Variants in CHD1L observed in about 807,000 individuals in gnomAD.
The protein encoded by CHD1L is chromodomain helicase DNA binding protein 1 like.
CHD1L carries 118 observed loss-of-function variants against 115.9 expected under a neutral mutation model. That is an observed-to-expected ratio of 1.02 (90% CI 0.88 to 1.19). The LOEUF is 1.19. Among genes scored for constraint, CHD1L ranks in the 50% most tolerant of loss-of-function variants. CHD1L has a pLI of 0.00. For synonymous variants in CHD1L, 411 were observed against 387.1 expected (o/e 1.06, Z -0.72); for missense variants, 1,179 against 1,065.3 (o/e 1.11, Z -1.49).
the CHD1L span, chr1:147,174,455 G>C: frequency 6.6e-6 from 1 of 152,212 alleles, no homozygotes; most frequent in South Asian, 2.1e-4. Context: ...AACAAAGTAC[G>C]TTAACCAATG....
rs201946463 is a variant in CHD1L, at chr1:147,276,298, A to G, written c.1539+41A>G. The G allele has an allele frequency of 7.8e-5, 125 of 1,602,058 alleles. No individual in the cohort carries two copies. The African/African-American group carries it at 1.3e-3, about 17-fold the overall frequency. On this transcript the variant is annotated intron_variant, in intron 14 of 22. Coordinates refer to ENST00000369258, the MANE Select transcript of CHD1L (RefSeq NM_004284.6). ...CTGTTCTTCACTTTGGAATATACCA[A>G]TACCCTTTGTGGAGGAGAATGTAAA...
In CHD1L at chr1:147,259,887, A is replaced by G; in HGVS notation, c.545A>G (p.Gln182Arg). 6.2e-7 allele frequency: 1 copy of G among 1,613,932 alleles called. No individual in the cohort carries two copies. The highest frequency in any genetic ancestry group is 1.1e-5 in the South Asian group (1 of 91,050). ...GATGAAGCTCACAGGTTGAAAAACC[A>G]AAGCTCCCTGCTGCATAAGACCTTG... is the stretch of plus-strand genomic sequence containing the variant. ...VVDEAHRLKN[Q>R]SSLLHKTLSE... The change falls in exon 6 of 23, where the codon CAA (glutamine) becomes CGA (arginine). Residue 182 changes from glutamine (Q) to arginine (R), a missense_variant. Coordinates refer to ENST00000369258, the MANE Select transcript of CHD1L (RefSeq NM_004284.6).
At chr1:147,276,713 A>G (rs1553958181) in intron 14 of CHD1L, among the ~76,000 whole-genome samples, 2 of 152,202 alleles carry the variant, frequency 1.3e-5, no homozygotes, top group African/African-American at 4.8e-5. Flanking sequence ...TGAAAGAACT[A>G]GAGGTAATTT....
At chr1:147,244,062 G>C (rs2102225399) in intron 1 of CHD1L, among the ~76,000 whole-genome samples, 1 of 152,304 alleles carries the variant, frequency 6.6e-6, no homozygotes, top group South Asian at 2.1e-4. Flanking sequence ...CTTGTAGACT[G>C]GTCTTTTTAT....
At chr1:147,198,830 G>A in the CHD1L span, among the ~76,000 whole-genome samples, 1 of 117,742 alleles carries the variant, frequency 8.5e-6, no homozygotes, top group African/African-American at 3.3e-5. Flanking sequence ...CAGCCTGGGC[G>A]ACAGAGCGAG....
the CHD1L span, among the ~76,000 whole-genome samples, chr1:147,196,354 ATACTCAAAATAAG>A: frequency 6.6e-5 from 10 of 152,106 alleles, no homozygotes; most frequent in Admixed American, 5.2e-4. Flanking sequence ...GTCTCTTCGG[ATACTCAAAATAAG>A]CGTTTTGAGA....
At position 147,270,483 on chromosome 1, in the gene CHD1L, G is replaced by C. The variant is rs12060717; in HGVS notation, c.1086-449G>C. On this transcript the variant is annotated intron_variant, in intron 10 of 22. Coordinates refer to ENST00000369258, the MANE Select transcript of CHD1L (RefSeq NM_004284.6). The stretch of plus-strand genomic sequence containing the variant: ...AAACAGGGCATAGTTGTAGATGACT[G>C]ACCACAGGCTTTCTTCAGAGTCTCC... Among the ~76,000 whole-genome samples the C allele has an allele frequency of 6.3e-4, 95 of 151,422 alleles. 1 individual carries two copies. The highest frequency in any genetic ancestry group is 2.2e-3 in the African/African-American group (92 of 41,226).
At chr1:147,213,523 C>A in the CHD1L span, 1 of 1,488,098 alleles carries the variant, frequency 6.7e-7, no homozygotes, top group Non-Finnish European at 9.1e-7. Context: ...ACTCTCCTTG[C>A]ATAGTGTTAC....
intron 15 of CHD1L, among the ~76,000 whole-genome samples, chr1:147,283,214 A>G (rs1681618678): frequency 3.3e-5 from 5 of 152,134 alleles, no homozygotes; most frequent in Admixed American, 3.3e-4. Context: ...TGCCTCATTG[A>G]AAGCCCCCTG....
At chr1:147,217,965 T>A in the CHD1L span, among the ~76,000 whole-genome samples, 1 of 152,338 alleles carries the variant, frequency 6.6e-6, no homozygotes, top group African/African-American at 2.4e-5. Context: ...AATGGATGCA[T>A]ATCAAATTGT....
intron 1 of CHD1L, 44 bp downstream of exon 1, chr1:147,242,874 T>C (rs1313225275): frequency 4.0e-6 from 5 of 1,255,984 alleles, no homozygotes; most frequent in African/African-American, 3.1e-5. Flanking sequence ...GGCCAACCTA[T>C]TGGGACTGCC....
Position 147,272,295 on chromosome 1 carries a change from G to T in CHD1L, c.1270+14G>T, listed in dbSNP as rs781833725. 1.3e-6 allele frequency: 2 copies of T among 1,555,580 alleles called. No homozygotes were observed. The highest frequency in any genetic ancestry group is 1.8e-6 in the Non-Finnish European group (2 of 1,126,698). On this transcript the variant is annotated intron_variant, in intron 12 of 22. Transcript: ENST00000369258. ...GTACTAGGGCAGGTAGGCTGCAAAGGCATTGATGGAAACAGACAAATGAGG... is the reference window on the plus strand; with the variant it reads ...GTACTAGGGCAGGTAGGCTGCAAAGTCATTGATGGAAACAGACAAATGAGG...
At chr1:147,228,699 A>AT in the CHD1L span, among the ~76,000 whole-genome samples, 1 of 152,104 alleles carries the variant, frequency 6.6e-6, no homozygotes, top group Non-Finnish European at 1.5e-5. Context: ...AATGATCCCC[A>AT]TTCTAACTGG....
intron 5 of CHD1L, among the ~76,000 whole-genome samples, 185 bp downstream of exon 5, chr1:147,256,747 T>C (rs182149067): frequency 7.3e-4 from 111 of 152,336 alleles, no homozygotes; most frequent in African/African-American, 2.6e-3. Context: ...CTGTGTGTCC[T>C]TGGGTTAGTT....
intron 1 of CHD1L, among the ~76,000 whole-genome samples, chr1:147,247,859 C>T (rs1046490876): frequency 5.5e-4 from 84 of 152,204 alleles, no homozygotes; most frequent in Admixed American, 5.4e-3. Flanking sequence ...CATTGCATCT[C>T]TTTGATCCTT....
At chr1:147,277,350 T>C (rs1678902990) in intron 14 of CHD1L, among the ~76,000 whole-genome samples, 1 of 152,216 alleles carries the variant, frequency 6.6e-6, no homozygotes, top group Non-Finnish European at 1.5e-5. Flanking sequence ...GCAGAGTTAC[T>C]AAGTTTGTAA....
intron 14 of CHD1L, among the ~76,000 whole-genome samples, chr1:147,277,403 C>T (rs186765455): frequency 1.3e-5 from 2 of 152,276 alleles, no homozygotes; most frequent in Admixed American, 6.5e-5. Context: ...GTTACCGTAT[C>T]TGCAAAGGCC....
At chr1:147,240,742 A>T (rs1664771651), upstream of CHD1L, among the ~76,000 whole-genome samples, 1 of 152,188 alleles carries the variant, frequency 6.6e-6, no homozygotes, top group South Asian at 2.1e-4. Context: ...GTTTATGTGT[A>T]TGCACATCAA....
chr1:147,220,975 G>A, the CHD1L span, among the ~76,000 whole-genome samples: 5 of 148,956 alleles, frequency 3.4e-5, no homozygotes, highest in African/African-American at 1.2e-4. Flanking sequence ...GGTATAATGT[G>A]GATAGTATGT....
Sources: gnomAD v4.1 joint callset for allele counts (sites outside exome capture counted in the v4.1 genomes callset) on GRCh38, gnomAD v4.1.1 for gene constraint, MANE v1.5 for transcripts, NCBI Gene and HGNC (gene_info 2026-07-23, HGNC 2026-07-21) for gene names.